ARHGEF3: variants seen among roughly 807,000 people sequenced by gnomAD.
ARHGEF3 encodes 59.8 kDA protein.
Under a neutral mutation model 63.2 loss-of-function variants are expected in ARHGEF3, and 28 were observed. The ratio of observed to expected loss-of-function variants is 0.44; its 90% CI spans 0.33 to 0.61. The LOEUF is 0.61. Among genes scored for constraint, ARHGEF3 ranks in the 20% least tolerant of loss-of-function variants. The probability of loss-of-function intolerance (pLI) is 0.03; values close to 1 mark genes in which losing one functional copy is unlikely to be tolerated. For synonymous variants in ARHGEF3, 266 were observed against 254.2 expected, an observed-to-expected ratio of 1.05 and a Z score of -0.44; for missense variants, 533 against 659.3, an observed-to-expected ratio of 0.81 and a Z score of 2.10.
At chr3:57,057,026 C>T (rs1486253614) in intron 1 of ARHGEF3, among the ~76,000 whole-genome samples, 3 of 152,060 alleles carry the variant, frequency 2.0e-5, no homozygotes, top group Non-Finnish European at 2.9e-5. Context: ...CTCCACCTGC[C>T]CCCTTGGTAG....
chr3:56,969,403 T>TACCC (rs1218248383), intron 2 of ARHGEF3, among the ~76,000 whole-genome samples: 10 of 113,802 alleles, frequency 8.8e-5, no homozygotes, highest in East Asian at 3.4e-4. Context: ...TCAATAAGAA[T>TACCC]TTTTCATATA....
At chr3:57,042,741 G>T (rs1704278431) in intron 1 of ARHGEF3, among the ~76,000 whole-genome samples, 1 of 133,826 alleles carries the variant, frequency 7.5e-6, no homozygotes, top group African/African-American at 2.9e-5. Context: ...CTGTCGCCCA[G>T]ACTGGAGTAC....
chr3:56,980,035 G>C (rs1701265837), intron 2 of ARHGEF3, among the ~76,000 whole-genome samples: 1 of 152,148 alleles, frequency 6.6e-6, no homozygotes, highest in Admixed American at 6.5e-5. Flanking sequence ...TTGTGCCTCA[G>C]ATTCCTCATT....
chr3:56,853,509 G>A (rs1191562786), intron 4 of ARHGEF3, among the ~76,000 whole-genome samples: 1 of 151,946 alleles, frequency 6.6e-6, no homozygotes, highest in Non-Finnish European at 1.5e-5. Flanking sequence ...GCTAATTTTT[G>A]TATTTTTAGT....
intron 2 of ARHGEF3, among the ~76,000 whole-genome samples, chr3:57,014,711 C>A (rs1200325511): frequency 6.7e-6 from 1 of 148,200 alleles, no homozygotes; most frequent in Non-Finnish European, 1.5e-5. Flanking sequence ...GACAGAGTCT[C>A]GCTGTGTCAC....
chr3:56,761,491 C>G (rs1168591068), intron 2 of ARHGEF3, among the ~76,000 whole-genome samples: 3 of 151,912 alleles, frequency 2.0e-5, no homozygotes, highest in Non-Finnish European at 2.9e-5. Flanking sequence ...TTGTTTGTTT[C>G]TTTCATGTCT....
intron 3 of ARHGEF3, among the ~76,000 whole-genome samples, chr3:56,895,477 T>A (rs1005943618): frequency 9.2e-5 from 14 of 152,024 alleles, no homozygotes; most frequent in African/African-American, 3.1e-4. Flanking sequence ...TATTTATTTT[T>A]TTTTGAGATG....
intron 1 of ARHGEF3, among the ~76,000 whole-genome samples, chr3:57,068,010 A>G (rs975840463): frequency 6.6e-6 from 1 of 151,822 alleles, no homozygotes; most frequent in Non-Finnish European, 1.5e-5. Context: ...AAAACAAACA[A>G]ACAACAACAA....
rs765864806 is a variant in ARHGEF3, at chr3:56,729,417, C to T, written c.1434G>A (p.Gln478=). ...LNPTTGSREL[Q]GETKLEQMDQ... ...CCATCTGCTCAAGTTTTGTTTCTCC[C>T]TGTAGCTCTCTGCTCCCGGTGGTGG... The change falls in exon 10 of 10, where the codon CAG becomes CAA. Residue 478 remains glutamine, a synonymous_variant. Coordinates refer to ENST00000296315, the MANE Select transcript of ARHGEF3 (RefSeq NM_019555.3). 1 of 1,614,162 alleles carries T rather than the reference C, an allele frequency of 6.2e-7. No homozygotes were observed. Among genetic ancestry groups the T allele is most frequent in the Middle Eastern group, 1.6e-4 (1 of 6,062 alleles).
intron 1 of ARHGEF3, among the ~76,000 whole-genome samples, chr3:57,040,692 G>C (rs951531108): frequency 2.6e-5 from 4 of 151,966 alleles, no homozygotes; most frequent in African/African-American, 9.7e-5. Context: ...TTCTCTGTGG[G>C]TATGCTGTGC....
intron 4 of ARHGEF3, among the ~76,000 whole-genome samples, chr3:56,857,151 C>G (rs906605279): frequency 6.6e-6 from 1 of 152,120 alleles, no homozygotes; most frequent in Non-Finnish European, 1.5e-5. Context: ...AGAAGCTATT[C>G]TAAGTGGTTA....
chr3:56,874,640 G>A (rs562280489), intron 4 of ARHGEF3, among the ~76,000 whole-genome samples: 58 of 152,270 alleles, frequency 3.8e-4, no homozygotes, highest in African/African-American at 1.3e-3. Flanking sequence ...TAACTGGAGT[G>A]CACAGTTAAT....
intron 1 of ARHGEF3, among the ~76,000 whole-genome samples, chr3:56,791,829 A>T (rs1376654832): frequency 2.0e-5 from 3 of 149,734 alleles, no homozygotes; most frequent in African/African-American, 7.5e-5. Context: ...TGAAAAACTA[A>T]AAAAAGAAAA....
intron 2 of ARHGEF3, among the ~76,000 whole-genome samples, chr3:56,757,468 C>A (rs1055237431): frequency 6.6e-6 from 1 of 151,518 alleles, no homozygotes; most frequent in Non-Finnish European, 1.5e-5. Flanking sequence ...GAGTGAGACT[C>A]CGTCTCAGAA....
intron 3 of ARHGEF3, among the ~76,000 whole-genome samples, chr3:56,894,468 G>A (rs901678519): frequency 1.3e-5 from 2 of 152,106 alleles, no homozygotes; most frequent in Non-Finnish European, 2.9e-5. Context: ...TTTATGTACT[G>A]TATTTCTTGG....
chr3:56,885,092 T>C (rs181407600), intron 3 of ARHGEF3, among the ~76,000 whole-genome samples: 11 of 152,284 alleles, frequency 7.2e-5, no homozygotes, highest in Admixed American at 4.6e-4. Context: ...CTGCACAGCA[T>C]AGCAAGCCAG....
chr3:56,799,593 T>A (rs1176891700), intron 1 of ARHGEF3, among the ~76,000 whole-genome samples: 1 of 152,228 alleles, frequency 6.6e-6, no homozygotes, highest in Non-Finnish European at 1.5e-5. Flanking sequence ...GACAAGCGAA[T>A]GCTATTTTTT....
chr3:56,743,232 C>T (rs138506025), intron 7 of ARHGEF3, among the ~76,000 whole-genome samples: 1,574 of 152,358 alleles, frequency 0.01, 27 homozygotes, highest in African/African-American at 0.036. Context: ...CATTGAATAC[C>T]TCATGAATCA....
At chr3:56,738,683 G>A (rs1196875343) in intron 7 of ARHGEF3, among the ~76,000 whole-genome samples, 1 of 152,156 alleles carries the variant, frequency 6.6e-6, no homozygotes, top group East Asian at 1.9e-4. Context: ...AGTACTGCCT[G>A]AGATGTAGTC....
Sources: gnomAD v4.1 joint callset for allele counts (sites outside exome capture counted in the v4.1 genomes callset) on GRCh38, gnomAD v4.1.1 for gene constraint, MANE v1.5 for transcripts, NCBI Gene and HGNC (gene_info 2026-07-23, HGNC 2026-07-21) for gene names.